Variants in LRCOL1 observed in about 807,000 individuals in gnomAD.
LRCOL1 encodes leucine rich colipase like 1.
LRCOL1 carries 21 observed loss-of-function variants against 21.6 expected under a neutral mutation model. That is an observed-to-expected ratio of 0.97 (90% CI 0.69 to 1.40). The LOEUF (loss-of-function observed/expected upper bound fraction) is 1.40. LRCOL1 is among the 40% of genes most tolerant of loss of function. The pLI is 0.00. For synonymous variants in LRCOL1, 98 were observed against 90.1 expected (o/e 1.09, Z -0.49); for missense variants, 198 against 202.3 (o/e 0.98, Z 0.13).
At chr12:132,605,915 G>A (rs1235739682) in intron 2 of LRCOL1, 14 of 534,360 alleles carry the variant, frequency 2.6e-5, no homozygotes, top group South Asian at 1.3e-4. Context: ...TGGGGTCGCC[G>A]TCCCATAGCC....
chr12:132,608,486 G>A (rs1469257172), intron 1 of LRCOL1, among the ~76,000 whole-genome samples: 2 of 152,204 alleles, frequency 1.3e-5, no homozygotes, highest in Non-Finnish European at 2.9e-5. Context: ...GAGTCATGTC[G>A]ACACTTTCCA....
intron 1 of LRCOL1, among the ~76,000 whole-genome samples, chr12:132,607,087 A>C (rs966355844): frequency 6.6e-6 from 1 of 152,216 alleles, no homozygotes; most frequent in Non-Finnish European, 1.5e-5. Flanking sequence ...CAGATGAAGC[A>C]GCGGCATTGC....
Position 132,603,940 on chromosome 12 carries a change from G to A in LRCOL1, c.477+314C>T, listed in dbSNP as rs2041263038. ...GAGGCTGTTCCCTCTCCGGCCTGAA[G>A]ACGTCCAACCCCAGCTCCCACGGGG... On this transcript the variant is annotated intron_variant, in intron 5 of 5. Coordinates refer to ENST00000376608, the MANE Select transcript of LRCOL1 (RefSeq NM_001195520.2). 1.0e-5 allele frequency: 13 copies of A among 1,242,182 alleles called. No individual in the cohort carries two copies. In the South Asian group the frequency reaches 2.7e-4, roughly 25 times the overall value. 76.9% of individuals were successfully genotyped at this position (1,242,182 alleles called of 1,614,324 possible). A position where few individuals can be genotyped will look rare whatever the true frequency, so the allele number is the denominator to read the frequency against.
At chr12:132,603,574 G>A (rs979675979) in intron 5 of LRCOL1, 170 bp from the exon 6 acceptor site, 9 of 985,064 alleles carry the variant, frequency 9.1e-6, no homozygotes, top group Admixed American at 6.1e-5. Flanking sequence ...GGACGCCCAC[G>A]AGCCGCGCCA....
chr12:132,603,932 G>GGCCA, intron 5 of LRCOL1: 2 of 1,229,240 alleles, frequency 1.6e-6, no homozygotes, highest in Middle Eastern at 3.2e-4. Context: ...TTCCCTCTCC[G>GGCCA]GCCTGAAGAC....
chr12:132,604,606 A>T (rs1286067526), intron 3 of LRCOL1, 22 bp from the exon 4 acceptor site: 2 of 1,525,424 alleles, frequency 1.3e-6, no homozygotes, highest in Non-Finnish European at 1.8e-6. Flanking sequence ...GAGACGCGTC[A>T]TCCCTGCACC....
intron 2 of LRCOL1, chr12:132,605,111 C>G: frequency 8.1e-7 from 1 of 1,238,692 alleles, no homozygotes; most frequent in South Asian, 1.9e-5. Context: ...GGGTGAAGCT[C>G]TCAGGCCAGC....
chr12:132,608,935 C>T (rs2041345187), intron 1 of LRCOL1, among the ~76,000 whole-genome samples: 1 of 152,218 alleles, frequency 6.6e-6, no homozygotes, highest in Admixed American at 6.5e-5. Flanking sequence ...TCAAAGGGCC[C>T]TGCTCAGCCC....
chr12:132,608,826 G>A (rs2041344082), intron 1 of LRCOL1, among the ~76,000 whole-genome samples: 1 of 152,144 alleles, frequency 6.6e-6, no homozygotes, highest in Non-Finnish European at 1.5e-5. Flanking sequence ...TCCTGTACTT[G>A]GAACCAGGAA....
In LRCOL1 at chr12:132,604,601, G is replaced by A. The variant is rs969287419; in HGVS notation, c.232-17C>T. ...CCCATTGGGCTATGGGACAGGAGAC[G>A]CGTCATCCCTGCACCCACCATCCAC... On this transcript the variant is annotated splice_polypyrimidine_tract_variant and intron_variant, in intron 3 of 5. Transcript: ENST00000376608. The A allele has an allele frequency of 9.2e-6, 14 of 1,529,382 alleles. No homozygotes were observed. In the African/African-American group the frequency reaches 1.1e-4, roughly 12 times the overall value. The allele number at this position is 1,529,382 out of a possible 1,614,324, so 94.7% of individuals were successfully genotyped here.
chr12:132,605,606 G>C (rs2041296699), intron 2 of LRCOL1, among the ~76,000 whole-genome samples: 2 of 152,028 alleles, frequency 1.3e-5, no homozygotes, highest in Admixed American at 1.3e-4. Context: ...GCGCGCGCCT[G>C]TAATCCCAGC....
chr12:132,605,103 G>T (rs2041287975), intron 2 of LRCOL1: 1 of 1,266,126 alleles, frequency 7.9e-7, no homozygotes, highest in East Asian at 3.8e-5. Flanking sequence ...CAGAGCATGG[G>T]TGAAGCTCTC....
chr12:132,604,746 G>T lies in LRCOL1; in HGVS notation c.191C>A (p.Thr64Asn). 2 of 1,536,208 alleles carry T rather than the reference G, an allele frequency of 1.3e-6. No individual in the cohort carries two copies. Among genetic ancestry groups the T allele is most frequent in the Non-Finnish European group, 1.7e-6 (2 of 1,146,914 alleles). ...INSLAPHTLC[T>N]PKTIFLQCLP... The stretch of plus-strand genomic sequence containing the variant: ...GCACTGCAGGAAGATGGTCTTAGGG[G>T]TGCAGAGCGTGTGTGGGGCCAGGCT... Residue 64 changes from threonine (T) to asparagine (N), a missense_variant, in exon 3 of 6, where the codon ACC (threonine) becomes AAC (asparagine). Physicochemically the swap from Thr to Asn is moderately conservative, Grantham distance 65. Coordinates refer to ENST00000376608, the MANE Select transcript of LRCOL1 (RefSeq NM_001195520.2).
At chr12:132,604,196 G>A (rs1382157403) in intron 5 of LRCOL1, 58 bp downstream of exon 5, 7 of 1,486,046 alleles carry the variant, frequency 4.7e-6, no homozygotes, top group Non-Finnish European at 6.2e-6. Flanking sequence ...GTTTCTGTGC[G>A]ACTTCCCTGT....
chr12:132,609,018 G>A (rs2323975), intron 1 of LRCOL1, among the ~76,000 whole-genome samples: 31,715 of 151,958 alleles, frequency 0.21, 3,818 homozygotes, highest in African/African-American at 0.33. Flanking sequence ...TCACAGCAGC[G>A]TTTTTCACGA....
chr12:132,610,008 G>A (rs903478681), intron 1 of LRCOL1, among the ~76,000 whole-genome samples: 15 of 152,232 alleles, frequency 9.9e-5, no homozygotes, highest in East Asian at 5.8e-4. Flanking sequence ...TCCATAGATC[G>A]TCTGCGAAAC....
At position 132,607,715 on chromosome 12, in the gene LRCOL1, GTCTCTGTC is replaced by G. The variant is rs1335256598; in HGVS notation, c.-13-1459_-13-1452del. On this transcript the variant is annotated intron_variant, in intron 1 of 5. Transcript: ENST00000376608. ...CCTCTCTGTCTCTGTCTCTCCCTCT[GTCTCTGTC>G]TCTCTGTCTCTCCCTCTCTCCGTCT... 1.1e-4 allele frequency among the ~76,000 whole-genome samples: 15 copies of G among 139,462 alleles called. No homozygotes were observed. In the East Asian group the frequency reaches 2.3e-3, roughly 22 times the overall value. The allele number at this position is 139,462 out of a possible 152,430, so 91.5% of individuals were successfully genotyped here. A position where few individuals can be genotyped will look rare whatever the true frequency, so the allele number is the denominator to read the frequency against.
At chr12:132,605,996 T>C (rs2041303274) in intron 2 of LRCOL1, 151 bp downstream of exon 2, 7 of 685,756 alleles carry the variant, frequency 1.0e-5, no homozygotes, top group African/African-American at 1.8e-5. Flanking sequence ...GAGGGTTTCA[T>C]CCAGGAAGGC....
intron 1 of LRCOL1, among the ~76,000 whole-genome samples, chr12:132,610,079 T>C (rs1317729): frequency 0.15 from 23,177 of 152,208 alleles, 1,901 homozygotes; most frequent in Admixed American, 0.19. Context: ...CTGCCCAGAC[T>C]CTTCTGAGTT....
Sources: allele counts gnomAD v4.1 joint callset (sites outside exome capture counted in the v4.1 genomes callset), GRCh38; gene constraint gnomAD v4.1.1; transcripts MANE v1.5; gene names NCBI Gene and HGNC (gene_info 2026-07-23, HGNC 2026-07-21).